JAK1: variants seen among roughly 807,000 people sequenced by gnomAD.
JAK1 encodes Janus kinase 1, also known as tyrosine-protein kinase JAK1.
JAK1 carries 16 observed loss-of-function variants against 136.6 expected under a neutral mutation model. That is an observed-to-expected ratio of 0.12 (90% CI 0.08 to 0.18). The LOEUF (loss-of-function observed/expected upper bound fraction) is 0.18. Ranked by LOEUF, JAK1 falls within the 10% of genes least tolerant of loss-of-function variation. The probability of loss-of-function intolerance (pLI) is 1.00; values close to 1 mark genes in which losing one functional copy is unlikely to be tolerated. For missense variants in JAK1, 859 were observed against 1,450.1 expected (o/e 0.59, Z 6.62); for synonymous variants, 492 against 519.5 (o/e 0.95, Z 0.72).
At chr1:65,060,356 A>G (rs1476517495) in intron 1 of JAK1, among the ~76,000 whole-genome samples, 1 of 152,154 alleles carries the variant, frequency 6.6e-6, no homozygotes, top group Non-Finnish European at 1.5e-5. Context: ...ACCCTGAAAC[A>G]CTGAAGGTTG....
At chr1:64,836,802 C>T (rs1052051733) in intron 22 of JAK1, among the ~76,000 whole-genome samples, 12 of 148,118 alleles carry the variant, frequency 8.1e-5, no homozygotes, top group Non-Finnish European at 1.5e-4. Context: ...AATCAGACTC[C>T]CTGGCTCCAG....
At chr1:64,903,876 T>C (rs1241129379) in intron 1 of JAK1, among the ~76,000 whole-genome samples, 1 of 152,204 alleles carries the variant, frequency 6.6e-6, no homozygotes, top group East Asian at 1.9e-4. Flanking sequence ...TCCTATAGAT[T>C]ATCACAATCA....
intron 20 of JAK1, among the ~76,000 whole-genome samples, chr1:64,838,994 A>C (rs1025485637): frequency 1.3e-5 from 2 of 151,018 alleles, no homozygotes; most frequent in Non-Finnish European, 2.9e-5. Flanking sequence ...AAATACAAAA[A>C]AATTAGCCGG....
chr1:64,867,955 A>T (rs1416624668), intron 6 of JAK1, among the ~76,000 whole-genome samples: 3 of 152,008 alleles, frequency 2.0e-5, no homozygotes, highest in Non-Finnish European at 4.4e-5. Context: ...ATGCCATTGT[A>T]CTTCAGCCTG....
chr1:64,871,753 C>T (rs1657084788), intron 5 of JAK1, among the ~76,000 whole-genome samples: 1 of 152,178 alleles, frequency 6.6e-6, no homozygotes, highest in African/African-American at 2.4e-5. Flanking sequence ...CATTTTGCTC[C>T]ACTGCCACTG....
intron 4 of JAK1, among the ~76,000 whole-genome samples, chr1:64,877,697 T>C (rs1010733037): frequency 6.6e-6 from 1 of 152,188 alleles, no homozygotes; most frequent in African/African-American, 2.4e-5. Flanking sequence ...GACTCTGAGC[T>C]GAGTACAGAA....
chr1:64,839,103 G>A (rs193026768), intron 20 of JAK1, among the ~76,000 whole-genome samples: 42 of 127,028 alleles, frequency 3.3e-4, no homozygotes, highest in African/African-American at 5.0e-4. Context: ...CCGAGATTGC[G>A]CCACTGCAGT....
intron 1 of JAK1, chr1:64,918,638 G>A: frequency 5.3e-6 from 1 of 188,576 alleles, no homozygotes; most frequent in Non-Finnish European, 1.1e-5. Flanking sequence ...GTTCTACTCA[G>A]TGAATGTGGA....
At position 64,957,762 on chromosome 1, in the gene JAK1, G is replaced by C. The variant is rs1646215572; in HGVS notation, c.-78+8571C>G. On this transcript the variant is annotated intron_variant, in intron 1 of 24. Transcript: ENST00000342505. ...GATCGAGACCATCCTGGCTAACATG[G>C]TGAAACCCCGTCTCTACTAAAAATA... is the stretch of plus-strand genomic sequence containing the variant. Among the ~76,000 whole-genome samples the C allele has an allele frequency of 2.0e-5, 3 of 151,920 alleles. No homozygotes were observed. In the South Asian group the frequency reaches 6.2e-4, roughly 31 times the overall value.
chr1:64,854,041 T>G (rs1655768214), intron 11 of JAK1, among the ~76,000 whole-genome samples: 2 of 152,330 alleles, frequency 1.3e-5, no homozygotes, highest in South Asian at 4.1e-4. Context: ...GTTTTTACCT[T>G]TGCGGAAAAT....
At chr1:64,890,071 T>A (rs926286757) in intron 1 of JAK1, among the ~76,000 whole-genome samples, 1 of 152,216 alleles carries the variant, frequency 6.6e-6, no homozygotes, top group East Asian at 1.9e-4. Flanking sequence ...AGGTATGAAC[T>A]CAGAAAAACT....
intron 15 of JAK1, 120 bp from the exon 16 acceptor site, chr1:64,845,009 C>A: frequency 1.5e-6 from 2 of 1,338,884 alleles, no homozygotes; most frequent in Non-Finnish European, 2.1e-6. Context: ...ACAGCCTGGC[C>A]CTGCTGCCAA....
chr1:64,978,018 G>A (rs1646512285), intron 2 of JAK1, among the ~76,000 whole-genome samples: 1 of 152,134 alleles, frequency 6.6e-6, no homozygotes, highest in Non-Finnish European at 1.5e-5. Context: ...GGTGGCTCAC[G>A]CCTGTAACCC....
At chr1:64,974,333 T>C (rs912518513) in intron 2 of JAK1, 8 of 152,194 alleles carry the variant, frequency 5.3e-5, no homozygotes, top group African/African-American at 1.7e-4. Flanking sequence ...AACTTTGGAG[T>C]AATACCAACT....
At chr1:64,891,550 A>C (rs754224043) in intron 1 of JAK1, among the ~76,000 whole-genome samples, 1 of 152,226 alleles carries the variant, frequency 6.6e-6, no homozygotes, top group African/African-American at 2.4e-5. Flanking sequence ...AGTCCTAGCA[A>C]CATGTGAACA....
At chr1:65,048,956 G>C (rs1647216739) in intron 1 of JAK1, among the ~76,000 whole-genome samples, 2 of 152,220 alleles carry the variant, frequency 1.3e-5, no homozygotes, top group Admixed American at 6.5e-5. Flanking sequence ...AAATCTTTGA[G>C]GCATTTATTG....
At chr1:64,907,626 A>G (rs750407664) in intron 1 of JAK1, among the ~76,000 whole-genome samples, 32 of 152,114 alleles carry the variant, frequency 2.1e-4, no homozygotes, top group Non-Finnish European at 3.7e-4. Flanking sequence ...AATATGTACA[A>G]CAAACATGCA....
intron 2 of JAK1, among the ~76,000 whole-genome samples, chr1:65,013,477 T>C (rs555132039): frequency 6.6e-6 from 1 of 152,218 alleles, no homozygotes; most frequent in African/African-American, 2.4e-5. Context: ...GGCTACATTT[T>C]CCCCAAATTT....
chr1:64,952,375 T>C (rs1482948640), intron 1 of JAK1, among the ~76,000 whole-genome samples: 5 of 152,208 alleles, frequency 3.3e-5, no homozygotes, highest in South Asian at 2.1e-4. Flanking sequence ...ATTCTAAGGC[T>C]CAGTTTATTG....
Sources: gnomAD v4.1 joint callset for allele counts (sites outside exome capture counted in the v4.1 genomes callset) on GRCh38, gnomAD v4.1.1 for gene constraint, MANE v1.5 for transcripts, NCBI Gene and HGNC (gene_info 2026-07-23, HGNC 2026-07-21) for gene names.